Variants in FHOD3 observed in about 807,000 individuals in gnomAD.
FHOD3 encodes formin homology 2 domain containing 3.
FHOD3 carries 90 observed loss-of-function variants against 173.0 expected under a neutral mutation model. The ratio of observed to expected loss-of-function variants is 0.52; its 90% CI spans 0.44 to 0.62. FHOD3 has a LOEUF of 0.62. FHOD3 is among the 20% of genes least tolerant of loss of function. The pLI, the probability that FHOD3 is intolerant of heterozygous loss-of-function variation, is 0.00. For synonymous variants in FHOD3, 828 were observed against 823.0 expected (o/e 1.01, Z -0.10); for missense variants, 1,945 against 2,034.7 (o/e 0.96, Z 0.85).
chr18:36,611,656 C>T (rs1397043746), intron 8 of FHOD3, among the ~76,000 whole-genome samples: 1 of 152,192 alleles, frequency 6.6e-6, no homozygotes, highest in African/African-American at 2.4e-5. Flanking sequence ...AAAATCCCCT[C>T]ACCTTTGCCA....
At chr18:36,469,346 C>G (rs543977374) in intron 3 of FHOD3, among the ~76,000 whole-genome samples, 1 of 152,124 alleles carries the variant, frequency 6.6e-6, no homozygotes, top group Admixed American at 6.5e-5. Context: ...ACTCAGAGAT[C>G]CTAGGCCAAG....
chr18:36,459,904 T>G (rs2052448570), intron 3 of FHOD3, among the ~76,000 whole-genome samples: 1 of 152,150 alleles, frequency 6.6e-6, no homozygotes, highest in Non-Finnish European at 1.5e-5. Flanking sequence ...GGACCCCACA[T>G]TACAATGAGT....
intron 5 of FHOD3, among the ~76,000 whole-genome samples, chr18:36,552,607 T>C (rs1387452104): frequency 2.0e-5 from 3 of 151,760 alleles, no homozygotes; most frequent in Non-Finnish European, 1.5e-5. Context: ...CATGCCATTC[T>C]CCTGCCTCAG....
At chr18:36,368,435 A>AGGAGC (rs1362913548) in intron 2 of FHOD3, among the ~76,000 whole-genome samples, 1 of 152,138 alleles carries the variant, frequency 6.6e-6, no homozygotes, top group East Asian at 1.9e-4. Flanking sequence ...AATGAATGAG[A>AGGAGC]GGAGCACACA....
chr18:36,457,661 A>C (rs1418908100), intron 3 of FHOD3, among the ~76,000 whole-genome samples: 3 of 152,202 alleles, frequency 2.0e-5, no homozygotes, highest in Non-Finnish European at 2.9e-5. Flanking sequence ...CAACCACAGC[A>C]GCAGCTGTAA....
intron 9 of FHOD3, among the ~76,000 whole-genome samples, chr18:36,624,848 G>A (rs952980202): frequency 2.0e-5 from 3 of 152,210 alleles, no homozygotes; most frequent in Admixed American, 6.5e-5. Flanking sequence ...TTTTTGTGTT[G>A]TGTATCTTTG....
intron 13 of FHOD3, among the ~76,000 whole-genome samples, chr18:36,654,880 T>C (rs1033244384): frequency 4.6e-5 from 7 of 152,046 alleles, no homozygotes; most frequent in Non-Finnish European, 8.8e-5. Context: ...TGGAAGGTGA[T>C]TTTGGAAGGA....
chr18:36,391,610 C>G (rs12606966), intron 3 of FHOD3, among the ~76,000 whole-genome samples: 33,599 of 152,078 alleles, frequency 0.22, 4,258 homozygotes, highest in East Asian at 0.67. Context: ...CTGGCTGAGC[C>G]CTGGGTTTAC....
At position 36,421,372 on chromosome 18, in the gene FHOD3, A is replaced by G. The variant is rs575110788; in HGVS notation, c.337+48628A>G. Among the ~76,000 whole-genome samples, 23 of 152,330 alleles carry G rather than the reference A, an allele frequency of 1.5e-4. 1 individual carries two copies. Among genetic ancestry groups the G allele is most frequent in the Admixed American group, 5.9e-4 (9 of 15,306 alleles). ...GAGGCATCTGGATAGCTTCTTTTGT[A>G]AGACTGTCCTTATTCTTATAAAGTT... On this transcript the variant is annotated intron_variant, in intron 3 of 28. Coordinates refer to ENST00000590592, the MANE Select transcript of FHOD3 (RefSeq NM_001281740.3).
chr18:36,756,572 T>G (rs2042643106), intron 25 of FHOD3, among the ~76,000 whole-genome samples: 1 of 152,184 alleles, frequency 6.6e-6, no homozygotes, highest in Non-Finnish European at 1.5e-5. Context: ...CATGTGTGTA[T>G]GTAGTCAGCC....
intron 1 of FHOD3, among the ~76,000 whole-genome samples, chr18:36,329,195 C>T (rs2044844900): frequency 6.6e-6 from 1 of 152,150 alleles, no homozygotes; most frequent in African/African-American, 2.4e-5. Flanking sequence ...TGGAGTGCAA[C>T]ACCAGCTGTG....
At chr18:36,476,247 C>T (rs1189585856) in intron 3 of FHOD3, among the ~76,000 whole-genome samples, 3 of 152,154 alleles carry the variant, frequency 2.0e-5, no homozygotes, top group African/African-American at 7.2e-5. Context: ...CCGCTGGGTG[C>T]TGCTGTAAGG....
intron 24 of FHOD3, among the ~76,000 whole-genome samples, chr18:36,748,821 G>T (rs1485282538): frequency 6.6e-6 from 1 of 152,138 alleles, no homozygotes; most frequent in Non-Finnish European, 1.5e-5. Flanking sequence ...ATGTAGAACT[G>T]ATTAAAGCAG....
In FHOD3 at chr18:36,388,180, T is replaced by C. The variant is rs2048118506; in HGVS notation, c.337+15436T>C. On this transcript the variant is annotated intron_variant, in intron 3 of 28. Transcript: ENST00000590592. ...ATAAATTACTAATTATACTCCTCAT[T>C]CCTCTGCTTCTGATTCTATAGCATA... is the stretch of plus-strand genomic sequence containing the variant. Among the ~76,000 whole-genome samples, 2 of 152,186 alleles carry C rather than the reference T, an allele frequency of 1.3e-5. 1 individual carries two copies. Among genetic ancestry groups the C allele is most frequent in the Admixed American group, 1.3e-4 (2 of 15,282 alleles).
intron 3 of FHOD3, among the ~76,000 whole-genome samples, chr18:36,387,116 G>A (rs2048072814): frequency 6.6e-6 from 1 of 152,156 alleles, no homozygotes; most frequent in East Asian, 1.9e-4. Context: ...TGTCCTGGGT[G>A]AGGTTTTGCT....
At chr18:36,373,109 G>A (rs923214232) in intron 3 of FHOD3, among the ~76,000 whole-genome samples, 3 of 152,122 alleles carry the variant, frequency 2.0e-5, no homozygotes, top group East Asian at 3.9e-4. Context: ...TGGAGTCTGG[G>A]GCTCCAGGTT....
At chr18:36,505,577 C>G (rs984845520) in intron 4 of FHOD3, among the ~76,000 whole-genome samples, 2 of 152,138 alleles carry the variant, frequency 1.3e-5, no homozygotes, top group Admixed American at 6.5e-5. Flanking sequence ...TGGAAGGGAG[C>G]TGCATATTTT....
intron 2 of FHOD3, among the ~76,000 whole-genome samples, chr18:36,366,930 T>G (rs1246685041): frequency 6.6e-6 from 1 of 152,208 alleles, no homozygotes; most frequent in Non-Finnish European, 1.5e-5. Context: ...GAGGAGTACT[T>G]GGGAGCATTG....
At chr18:36,437,472 A>C (rs950819094) in intron 3 of FHOD3, among the ~76,000 whole-genome samples, 7 of 152,164 alleles carry the variant, frequency 4.6e-5, no homozygotes, top group African/African-American at 1.7e-4. Context: ...GATTATATTT[A>C]CTAAAATTCA....
Sources: allele counts gnomAD v4.1 joint callset (sites outside exome capture counted in the v4.1 genomes callset), GRCh38; gene constraint gnomAD v4.1.1; transcripts MANE v1.5; gene names NCBI Gene and HGNC (gene_info 2026-07-23, HGNC 2026-07-21).